NOVA1: variants seen among roughly 807,000 people sequenced by gnomAD.
NOVA1 encodes RNA-binding protein Nova-1.
A neutral mutation model predicts 38.0 loss-of-function variants in NOVA1; 7 were observed. The ratio of observed to expected loss-of-function variants is 0.18; its 90% CI spans 0.10 to 0.35. The LOEUF is 0.35. Among genes scored for constraint, NOVA1 ranks in the 10% least tolerant of loss-of-function variants. The probability of loss-of-function intolerance (pLI) is 1.00; values close to 1 mark genes in which losing one functional copy is unlikely to be tolerated. For missense variants in NOVA1, 460 were observed against 616.0 expected, an observed-to-expected ratio of 0.75 and a Z score of 2.68; for synonymous variants, 270 against 232.5, an observed-to-expected ratio of 1.16 and a Z score of -1.47.
chr14:26,529,492 G>A (rs144097252), intron 2 of NOVA1, among the ~76,000 whole-genome samples: 1 of 152,240 alleles, frequency 6.6e-6, no homozygotes, highest in African/African-American at 2.4e-5. Flanking sequence ...GTCAAGGGTT[G>A]GAGTTGTAGG....
chr14:26,598,008 G>A lies in NOVA1; in HGVS notation c.-572C>T, dbSNP rs1431023188. ...GCTCGCTCCCGCTGCTGGTGCTGCC[G>A]CCGCCGCCGCTGCCGGAGCGGTTCT... On this transcript the variant is annotated 5_prime_UTR_variant, in exon 1 of 5. Coordinates refer to ENST00000539517, the MANE Select transcript of NOVA1 (RefSeq NM_002515.3). Among the ~76,000 whole-genome samples, 2 of 151,362 alleles carry A rather than the reference G, an allele frequency of 1.3e-5. No homozygotes were observed. Among genetic ancestry groups the A allele is most frequent in the Non-Finnish European group, 2.9e-5 (2 of 67,814 alleles).
chr14:26,594,729 A>G (rs1167291916), intron 2 of NOVA1, among the ~76,000 whole-genome samples: 1 of 151,660 alleles, frequency 6.6e-6, no homozygotes, highest in Non-Finnish European at 1.5e-5. Flanking sequence ...AAAACAAAAA[A>G]TTTATACCAC....
rs934017552 is a variant in NOVA1, at chr14:26,556,863, G to A, written c.280+38547C>T. On this transcript the variant is annotated intron_variant, in intron 2 of 4. Coordinates refer to ENST00000539517, the MANE Select transcript of NOVA1 (RefSeq NM_002515.3). ...ATAAAATGATGTCAAAAAAGCGTACGAAAAGATGCTCAATATCTTATGTAT... is the reference window on the plus strand; with the variant it reads ...ATAAAATGATGTCAAAAAAGCGTACAAAAAGATGCTCAATATCTTATGTAT... Among the ~76,000 whole-genome samples the A allele has an allele frequency of 6.6e-5, 10 of 152,176 alleles. No individual in the cohort carries two copies. The South Asian group carries it at 1.2e-3, about 19-fold the overall frequency.
At chr14:26,533,616 A>C (rs1889872460) in intron 2 of NOVA1, among the ~76,000 whole-genome samples, 1 of 152,182 alleles carries the variant, frequency 6.6e-6, no homozygotes, top group Admixed American at 6.5e-5. Flanking sequence ...ATGACTTTGT[A>C]CATGCTGCCT....
At position 26,515,398 on chromosome 14, in the gene NOVA1, A is replaced by G. The variant is rs150286515; in HGVS notation, c.281-35255T>C. Among the ~76,000 whole-genome samples, 1,268 of 152,114 alleles carry G rather than the reference A, an allele frequency of 8.3e-3. 17 individuals carry two copies. The highest frequency in any genetic ancestry group is 0.025 in the Admixed American group (375 of 15,282). ...ATTATATGTGCATTACTCAAAGTTGATAACAATTGCACAATATAAACTTTA... is the reference window on the plus strand; with the variant it reads ...ATTATATGTGCATTACTCAAAGTTGGTAACAATTGCACAATATAAACTTTA... On this transcript the variant is annotated intron_variant, in intron 2 of 4. Coordinates refer to ENST00000539517, the MANE Select transcript of NOVA1 (RefSeq NM_002515.3).
At chr14:26,507,174 G>C (rs1044418600) in intron 2 of NOVA1, among the ~76,000 whole-genome samples, 1 of 151,470 alleles carries the variant, frequency 6.6e-6, no homozygotes, top group Admixed American at 6.6e-5. Flanking sequence ...CACAATTCTC[G>C]AACATTAAGA....
At chr14:26,569,138 A>G (rs1892316256) in intron 2 of NOVA1, among the ~76,000 whole-genome samples, 1 of 152,206 alleles carries the variant, frequency 6.6e-6, no homozygotes, top group Non-Finnish European at 1.5e-5. Context: ...TGGTGGCAAG[A>G]GTGAGAACCA....
chr14:26,594,736 C>A (rs1894075813), intron 2 of NOVA1, among the ~76,000 whole-genome samples: 1 of 147,868 alleles, frequency 6.8e-6, no homozygotes, highest in African/African-American at 2.6e-5. Context: ...AAAATTTATA[C>A]CACCAAGGAA....
intron 4 of NOVA1, chr14:26,470,420 C>CA: frequency 6.5e-7 from 1 of 1,527,068 alleles, no homozygotes; most frequent in Non-Finnish European, 9.1e-7. Flanking sequence ...ACAATTCTTT[C>CA]AATGAATTAC....
chr14:26,456,100 C>G (rs1418455455), intron 4 of NOVA1, among the ~76,000 whole-genome samples: 1 of 151,766 alleles, frequency 6.6e-6, no homozygotes, highest in East Asian at 1.9e-4. Flanking sequence ...GTTCAGAGTT[C>G]TTAATTTTGA....
rs1883214399 is a variant in NOVA1 at position 26,456,765 on chromosome 14, T to C, written c.520-7802A>G. 3.3e-5 allele frequency among the ~76,000 whole-genome samples: 5 copies of C among 152,106 alleles called. No individual in the cohort carries two copies. In the South Asian group the frequency reaches 1.0e-3, roughly 32 times the overall value. ...TTCCAAAACAGAGGACATTGTACAA[T>C]GTATTAGTACACTGTACAATGAACA... On this transcript the variant is annotated intron_variant, in intron 4 of 4. Coordinates refer to ENST00000539517, the MANE Select transcript of NOVA1 (RefSeq NM_002515.3).
chr14:26,549,001 G>A (rs1311962060), intron 2 of NOVA1, among the ~76,000 whole-genome samples: 1 of 151,982 alleles, frequency 6.6e-6, no homozygotes, highest in African/African-American at 2.4e-5. Context: ...CATGCCTGTA[G>A]TGCCAGCTTC....
At chr14:26,481,711 T>A (rs1489858436) in intron 2 of NOVA1, among the ~76,000 whole-genome samples, 1 of 152,082 alleles carries the variant, frequency 6.6e-6, no homozygotes, top group East Asian at 1.9e-4. Context: ...TTTCTCTTAA[T>A]CAGCTTTTCT....
intron 4 of NOVA1, among the ~76,000 whole-genome samples, chr14:26,471,508 TCA>T (rs1884590089): frequency 1.3e-5 from 2 of 151,698 alleles, no homozygotes; most frequent in African/African-American, 4.8e-5. Flanking sequence ...GAAGCTCAAC[TCA>T]CACAAAATAA....
chr14:26,514,095 T>C (rs1888288271), intron 2 of NOVA1, among the ~76,000 whole-genome samples: 1 of 151,762 alleles, frequency 6.6e-6, no homozygotes, highest in Non-Finnish European at 1.5e-5. Context: ...GAAAATTGTT[T>C]TACATTTGAA....
rs567780562 is a variant in NOVA1, at chr14:26,463,348, C to T, written c.519+8972G>A. On this transcript the variant is annotated intron_variant, in intron 4 of 4. Coordinates refer to ENST00000539517, the MANE Select transcript of NOVA1 (RefSeq NM_002515.3). ...TTTAGATTTATAAACACACACACGT[C>T]TTGAATTTCTGATATGTGTATTATA... Among the ~76,000 whole-genome samples the T allele has an allele frequency of 2.6e-5, 4 of 152,210 alleles. No homozygotes were observed. The East Asian group carries it at 7.7e-4, about 29-fold the overall frequency.
intron 3 of NOVA1, among the ~76,000 whole-genome samples, chr14:26,476,850 T>G (rs178213): frequency 0.96 from 144,811 of 151,070 alleles, 69,832 homozygotes; most frequent in East Asian, 1. Flanking sequence ...CCAGCAGCTG[T>G]GACTACAGGC....
intron 2 of NOVA1, chr14:26,549,643 G>A (rs1819181875): frequency 1.1e-6 from 1 of 907,222 alleles, no homozygotes; most frequent in Non-Finnish European, 1.5e-6. Context: ...TCTCTTATTG[G>A]GCTTTCCAGT....
At position 26,444,136 on chromosome 14, in the gene NOVA1, C is replaced by T. The variant is rs1353463877; in HGVS notation, c.*3823G>A. On this transcript the variant is annotated 3_prime_UTR_variant, in exon 5 of 5. Coordinates refer to ENST00000539517, the MANE Select transcript of NOVA1 (RefSeq NM_002515.3). ...TCAGTACCTTTGTTGAAATCTATTA[C>T]CACCATTAAAATTTCCAAGGAAACA... 1 of 151,934 alleles carries T rather than the reference C, an allele frequency of 6.6e-6. No homozygotes were observed. The highest frequency in any genetic ancestry group is 1.5e-5 in the Non-Finnish European group (1 of 67,966). The allele number at this position is 151,934 out of a possible 1,614,324, so 9.4% of individuals were successfully genotyped here.
Sources: allele counts gnomAD v4.1 joint callset (sites outside exome capture counted in the v4.1 genomes callset), GRCh38; gene constraint gnomAD v4.1.1; transcripts MANE v1.5; gene names NCBI Gene and HGNC (gene_info 2026-07-23, HGNC 2026-07-21).